The following ESYT2 variants were observed in gnomAD, a reference collection of about 807,000 sequenced individuals.
ESYT2 encodes extended synaptotagmin-2.
A neutral mutation model predicts 107.2 loss-of-function variants in ESYT2; 54 were observed. That is an observed-to-expected ratio of 0.50 (90% CI 0.40 to 0.63). ESYT2 has a LOEUF of 0.63. Among genes scored for constraint, ESYT2 ranks in the 30% least tolerant of loss-of-function variants. The pLI, the probability that ESYT2 is intolerant of heterozygous loss-of-function variation, is 0.00. For synonymous variants in ESYT2, 491 were observed against 434.1 expected (o/e 1.13, Z -1.63); for missense variants, 1,020 against 1,094.5 (o/e 0.93, Z 0.96).
At chr7:158,747,687 C>T (rs1355826346) in intron 16 of ESYT2, among the ~76,000 whole-genome samples, 1 of 152,168 alleles carries the variant, frequency 6.6e-6, no homozygotes, top group African/African-American at 2.4e-5. Context: ...TGGCAACCTG[C>T]TCCTGGGCAT....
At chr7:158,809,021 CAAAT>C (rs1211033921) in intron 1 of ESYT2, among the ~76,000 whole-genome samples, 2 of 151,848 alleles carry the variant, frequency 1.3e-5, no homozygotes, top group Non-Finnish European at 1.5e-5. Context: ...AATAAATAAA[CAAAT>C]AAGTTTGTGG....
At chr7:158,775,928 G>C (rs1030815470) in intron 6 of ESYT2, among the ~76,000 whole-genome samples, 1 of 152,194 alleles carries the variant, frequency 6.6e-6, no homozygotes, top group African/African-American at 2.4e-5. Context: ...AATAAGACTT[G>C]AAAGTTGAAA....
intron 1 of ESYT2, among the ~76,000 whole-genome samples, chr7:158,811,219 AAC>A (rs1447018472): frequency 6.6e-6 from 1 of 152,194 alleles, no homozygotes; most frequent in African/African-American, 2.4e-5. Flanking sequence ...CAATCTATAA[AAC>A]ACATACTGCT....
At chr7:158,791,242 C>G (rs1001750634) in intron 4 of ESYT2, among the ~76,000 whole-genome samples, 1 of 152,168 alleles carries the variant, frequency 6.6e-6, no homozygotes, top group African/African-American at 2.4e-5. Context: ...GCATAAGGTC[C>G]TCAAGGTCCA....
intron 3 of ESYT2, among the ~76,000 whole-genome samples, chr7:158,797,169 T>C (rs1021947544): frequency 2.0e-5 from 3 of 152,130 alleles, no homozygotes; most frequent in South Asian, 4.1e-4. Context: ...TTTTTTGAAA[T>C]AGGGTCTCGC....
intron 1 of ESYT2, among the ~76,000 whole-genome samples, chr7:158,812,735 C>T (rs540696940): frequency 2.8e-4 from 42 of 152,268 alleles, no homozygotes; most frequent in African/African-American, 8.7e-4. Flanking sequence ...ACTGTGGTAC[C>T]GGAATATTCA....
At chr7:158,812,009 G>A (rs1290931632) in intron 1 of ESYT2, among the ~76,000 whole-genome samples, 1 of 152,244 alleles carries the variant, frequency 6.6e-6, no homozygotes, top group African/African-American at 2.4e-5. Flanking sequence ...CAGACCAGGA[G>A]GCACTTAGGA....
At chr7:158,816,035 T>C (rs1434966646) in intron 1 of ESYT2, among the ~76,000 whole-genome samples, 1 of 152,180 alleles carries the variant, frequency 6.6e-6, no homozygotes, top group Non-Finnish European at 1.5e-5. Flanking sequence ...TCGCTTTATA[T>C]GGCAAAAAGA....
At chr7:158,765,143 G>A (rs950178333) in intron 8 of ESYT2, among the ~76,000 whole-genome samples, 10 of 152,070 alleles carry the variant, frequency 6.6e-5, no homozygotes, top group Non-Finnish European at 1.3e-4. Flanking sequence ...CACGAGGACA[G>A]ACAGCCCCAC....
At chr7:158,752,171 G>GA (rs1196726651) in intron 14 of ESYT2, among the ~76,000 whole-genome samples, 1 of 152,072 alleles carries the variant, frequency 6.6e-6, no homozygotes, top group Non-Finnish European at 1.5e-5. Flanking sequence ...AGAAATTAAA[G>GA]AAAAAATAAT....
At chr7:158,755,507 T>C (rs1031232975) in intron 13 of ESYT2, among the ~76,000 whole-genome samples, 37 of 152,344 alleles carry the variant, frequency 2.4e-4, no homozygotes, top group Middle Eastern at 6.8e-3. Flanking sequence ...GAAAAGCTAT[T>C]GGAGATAAAC....
chr7:158,770,519 A>T lies in ESYT2; in HGVS notation c.804-2745T>A, dbSNP rs916112182. ...TATACATATACGATTATATATATAT[A>T]TATTTTTTTTCCTGAGACGGAGTCT... On this transcript the variant is annotated intron_variant, in intron 7 of 22. Transcript: ENST00000275418. Among the ~76,000 whole-genome samples, 33 of 147,354 alleles carry T rather than the reference A, an allele frequency of 2.2e-4. 1 individual carries two copies. Among genetic ancestry groups the T allele is most frequent in the South Asian group, 8.4e-4 (4 of 4,776 alleles).
chr7:158,785,606 G>T (rs923054042), intron 6 of ESYT2, among the ~76,000 whole-genome samples: 1 of 152,136 alleles, frequency 6.6e-6, no homozygotes, highest in Non-Finnish European at 1.5e-5. Flanking sequence ...AGATTTAATT[G>T]TGTGAGGTAG....
chr7:158,738,608 C>G (rs937876998), intron 19 of ESYT2, among the ~76,000 whole-genome samples: 2 of 142,588 alleles, frequency 1.4e-5, no homozygotes, highest in South Asian at 4.5e-4. Context: ...GCATGCACCA[C>G]CACACGTGGC....
chr7:158,736,750 G>A (rs936639914), intron 20 of ESYT2, among the ~76,000 whole-genome samples: 2 of 152,150 alleles, frequency 1.3e-5, no homozygotes, highest in South Asian at 4.1e-4. Flanking sequence ...ATAGTTAAGT[G>A]TCAACAGATA....
chr7:158,815,311 T>C (rs1477519859), intron 1 of ESYT2, among the ~76,000 whole-genome samples: 3 of 152,140 alleles, frequency 2.0e-5, no homozygotes, highest in Non-Finnish European at 4.4e-5. Context: ...TACACCAACA[T>C]TAAAGACTGA....
At chr7:158,824,788 A>G (rs1383382432) in intron 1 of ESYT2, among the ~76,000 whole-genome samples, 1 of 152,238 alleles carries the variant, frequency 6.6e-6, no homozygotes, top group African/African-American at 2.4e-5. Flanking sequence ...TGAAGAGATA[A>G]TATTTTCAAA....
intron 4 of ESYT2, among the ~76,000 whole-genome samples, chr7:158,792,770 T>C (rs1839343091): frequency 7.0e-6 from 1 of 142,190 alleles, no homozygotes; most frequent in East Asian, 2.1e-4. Flanking sequence ...TGGGGTTTTT[T>C]TTTTTTTTTT....
chr7:158,756,215 T>A (rs1837750832), intron 13 of ESYT2, among the ~76,000 whole-genome samples: 1 of 152,202 alleles, frequency 6.6e-6, no homozygotes, highest in Non-Finnish European at 1.5e-5. Flanking sequence ...AATCTCACTG[T>A]CAGTTGGATG....
Sources: gnomAD v4.1 joint callset for allele counts (sites outside exome capture counted in the v4.1 genomes callset) on GRCh38, gnomAD v4.1.1 for gene constraint, MANE v1.5 for transcripts, NCBI Gene and HGNC (gene_info 2026-07-23, HGNC 2026-07-21) for gene names.